ABLIM2: variants seen among roughly 807,000 people sequenced by gnomAD.
ABLIM2 encodes actin-binding LIM protein 2.
In ABLIM2, 53 loss-of-function variants were observed where a neutral mutation model predicts 97.7. That is an observed-to-expected ratio of 0.54 (90% CI 0.44 to 0.68). The LOEUF (loss-of-function observed/expected upper bound fraction) is 0.68, where lower values mean the gene tolerates loss of function less well. Ranked by LOEUF, ABLIM2 falls within the 30% of genes least tolerant of loss-of-function variation. The pLI is 0.00. For missense variants in ABLIM2, 835 were observed against 867.2 expected (o/e 0.96, Z 0.47); for synonymous variants, 361 against 345.8 (o/e 1.04, Z -0.49).
intron 6 of ABLIM2, among the ~76,000 whole-genome samples, chr4:8,062,975 G>A (rs574744634): frequency 6.6e-6 from 1 of 152,228 alleles, no homozygotes; most frequent in Non-Finnish European, 1.5e-5. Context: ...ACAGGGGACA[G>A]AAAGCAACCC....
Position 8,124,591 on chromosome 4 carries a change from T to C in ABLIM2, c.11-17954A>G, listed in dbSNP as rs971069753. Among the ~76,000 whole-genome samples the C allele has an allele frequency of 1.3e-5, 2 of 152,206 alleles. No individual in the cohort carries two copies. The highest frequency in any genetic ancestry group is 1.3e-4 in the Admixed American group (2 of 15,288). The stretch of plus-strand genomic sequence containing the variant: ...TGGTGTGGTGGGCGTCAGTGCCTCT[T>C]TCCTTTTGATGGCTGAGAAATATTC... On this transcript the variant is annotated intron_variant, in intron 1 of 20. Transcript: ENST00000447017. The surrounding 1 kb of genome is among the most constrained non-coding windows in gnomAD (Gnocchi z 6.1).
rs968260507 is a variant in ABLIM2 at position 8,083,474 on chromosome 4, G to A, written c.455-2672C>T. ...CACTCTGCCTCCTACCATATTGGCC[G>A]GCGCCCTCCCCTGCCAAGAAGCTCC... On this transcript the variant is annotated intron_variant, in intron 4 of 20. Transcript: ENST00000447017. The surrounding 1 kb of genome is among the most constrained non-coding windows in gnomAD (Gnocchi z 4.6). Among the ~76,000 whole-genome samples the A allele has an allele frequency of 4.6e-5, 7 of 152,090 alleles. No homozygotes were observed. Among genetic ancestry groups the A allele is most frequent in the African/African-American group, 1.7e-4 (7 of 41,416 alleles).
chr4:8,002,682 T>C lies in ABLIM2; in HGVS notation c.1618+5377A>G, dbSNP rs916420712. ...GCCGCCCTGCTCCTGCCTCCAGACC[T>C]GTCTACAGGCTGTCTGTGCTGCTTA... is the stretch of plus-strand genomic sequence containing the variant. On this transcript the variant is annotated intron_variant, in intron 16 of 20. Coordinates refer to ENST00000447017, the MANE Select transcript of ABLIM2 (RefSeq NM_001130083.2). This position sits in a 1 kb window ranked among gnomAD's most constrained non-coding sequence, Gnocchi z 6.1. Among the ~76,000 whole-genome samples the C allele has an allele frequency of 4.6e-5, 7 of 152,110 alleles. No individual in the cohort carries two copies. Among genetic ancestry groups the C allele is most frequent in the Admixed American group, 3.3e-4 (5 of 15,276 alleles).
Position 8,082,831 on chromosome 4 carries a change from G to T in ABLIM2, c.455-2029C>A, listed in dbSNP as rs1820789806. On this transcript the variant is annotated intron_variant, in intron 4 of 20. Transcript: ENST00000447017. This position sits in a 1 kb window ranked among gnomAD's most constrained non-coding sequence, Gnocchi z 5.6. ...AGGCGACCCCCACATCACCCAATCTGCCGCGCTCCTTCCTGTGTCTCTGCA... is the reference window on the plus strand; with the variant it reads ...AGGCGACCCCCACATCACCCAATCTTCCGCGCTCCTTCCTGTGTCTCTGCA... 1.3e-5 allele frequency among the ~76,000 whole-genome samples: 2 copies of T among 152,316 alleles called. No individual in the cohort carries two copies. Among genetic ancestry groups the T allele is most frequent in the African/African-American group, 4.8e-5 (2 of 41,580 alleles).
Position 7,992,875 on chromosome 4 carries a change from C to A in ABLIM2, c.1671G>T (p.Leu557Phe), listed in dbSNP as rs777735793. The change falls in exon 17 of 21, where the codon TTG (leucine) becomes TTT (phenylalanine). Residue 557 changes from leucine (L) to phenylalanine (F), a missense_variant. Physicochemically the swap from Leu to Phe is conservative, Grantham distance 22 (BLOSUM62 0). Coordinates refer to ENST00000447017, the MANE Select transcript of ABLIM2 (RefSeq NM_001130083.2). The surrounding 1 kb of genome is among the most constrained non-coding windows in gnomAD (Gnocchi z 5.7). ...AGGGGTCAGTACCTACCCGCTGGTC[C>A]AAGCCATTCTTTCCATGTCCTGGGA... ...DPLPGHGKNG[L>F]DQRNANLAPC... 1 of 1,612,804 alleles carries A rather than the reference C, an allele frequency of 6.2e-7. No individual in the cohort carries two copies. The highest frequency in any genetic ancestry group is 8.5e-7 in the Non-Finnish European group (1 of 1,179,656).
Position 8,010,594 on chromosome 4 carries a change from C to T in ABLIM2, c.1424-1492G>A, listed in dbSNP as rs984537388. The T allele has an allele frequency of 8.2e-5, 81 of 983,996 alleles. 1 individual carries two copies. The Middle Eastern group carries it at 2.1e-3, about 25-fold the overall frequency. 61.0% of individuals were successfully genotyped at this position (983,996 alleles called of 1,614,324 possible). On this transcript the variant is annotated intron_variant, in intron 14 of 20. Transcript: ENST00000447017. ...AATTGAAGACTGAGCAGTTCCGTTCCGAATACACTAACATCTCGTTACTCT... is the reference window on the plus strand; with the variant it reads ...AATTGAAGACTGAGCAGTTCCGTTCTGAATACACTAACATCTCGTTACTCT...
chr4:8,073,218 G>C (rs1003553825), intron 6 of ABLIM2, among the ~76,000 whole-genome samples: 10 of 151,510 alleles, frequency 6.6e-5, no homozygotes, highest in African/African-American at 2.4e-4. Context: ...TGGTAGGGGT[G>C]GGGGTGGTGT....
intron 1 of ABLIM2, among the ~76,000 whole-genome samples, chr4:8,154,237 C>G (rs1257721429): frequency 2.0e-5 from 3 of 149,538 alleles, no homozygotes; most frequent in Admixed American, 1.3e-4. Flanking sequence ...GCTGGGATTA[C>G]AGGCGTGAGC....
rs1824424283 is a variant in ABLIM2, at chr4:8,087,456, G to A, written c.454+713C>T. ...TTGAGCCCCCACTGCATACACACCT[G>A]GCCTAACTCCTGGGAGGTGGAGCAG... On this transcript the variant is annotated intron_variant, in intron 4 of 20. Coordinates refer to ENST00000447017, the MANE Select transcript of ABLIM2 (RefSeq NM_001130083.2). The surrounding 1 kb of genome is among the most constrained non-coding windows in gnomAD (Gnocchi z 4.6). Among the ~76,000 whole-genome samples the A allele has an allele frequency of 6.6e-6, 1 of 152,152 alleles. No individual in the cohort carries two copies. Among genetic ancestry groups the A allele is most frequent in the South Asian group, 2.1e-4 (1 of 4,828 alleles).
At chr4:8,121,079 A>G (rs1490111835) in intron 1 of ABLIM2, among the ~76,000 whole-genome samples, 1 of 152,242 alleles carries the variant, frequency 6.6e-6, no homozygotes, top group African/African-American at 2.4e-5. Flanking sequence ...GAAGAGCCAG[A>G]GCTGGCCTCA....
Position 8,127,693 on chromosome 4 carries a change from C to A in ABLIM2, c.11-21056G>T. The A allele has an allele frequency of 8.0e-7, 1 of 1,255,288 alleles. No individual in the cohort carries two copies. Among genetic ancestry groups the A allele is most frequent in the Non-Finnish European group, 1.0e-6 (1 of 966,382 alleles). 77.8% of individuals were successfully genotyped at this position (1,255,288 alleles called of 1,614,324 possible). The stretch of plus-strand genomic sequence containing the variant: ...GGAAGAGCCTCTGTGGCCCACAGGG[C>A]TCCCACAAGGTCACGTGGCAGCTGC... On this transcript the variant is annotated intron_variant, in intron 1 of 20. Coordinates refer to ENST00000447017, the MANE Select transcript of ABLIM2 (RefSeq NM_001130083.2). This position sits in a 1 kb window ranked among gnomAD's most constrained non-coding sequence, Gnocchi z 7.3.
At chr4:8,129,106 C>T (rs1011384473) in intron 1 of ABLIM2, among the ~76,000 whole-genome samples, 2 of 152,206 alleles carry the variant, frequency 1.3e-5, no homozygotes, top group Admixed American at 1.3e-4. Context: ...GGGGCAGAGG[C>T]CCTGGAAGAC....
At position 8,150,633 on chromosome 4, in the gene ABLIM2, C is replaced by T. The variant is rs1041393725; in HGVS notation, c.10+8047G>A. ...CCGGAGGCGGGAGGAGCCACTGCTG[C>T]TGCCTGGGATGGGGGCTGCTCAGTA... On this transcript the variant is annotated intron_variant, in intron 1 of 20. Transcript: ENST00000447017. This position sits in a 1 kb window ranked among gnomAD's most constrained non-coding sequence, Gnocchi z 6.3. 2.0e-5 allele frequency among the ~76,000 whole-genome samples: 3 copies of T among 152,248 alleles called. No homozygotes were observed. Among genetic ancestry groups the T allele is most frequent in the African/African-American group, 7.2e-5 (3 of 41,470 alleles).
intron 1 of ABLIM2, among the ~76,000 whole-genome samples, chr4:8,142,636 C>T (rs1554123335): frequency 6.6e-6 from 1 of 152,162 alleles, no homozygotes; most frequent in South Asian, 2.1e-4. Context: ...GCATGGTGGG[C>T]GCTGGCATCC....
In ABLIM2 at chr4:8,149,824, G is replaced by A. The variant is rs540569471; in HGVS notation, c.10+8856C>T. On this transcript the variant is annotated intron_variant, in intron 1 of 20. Coordinates refer to ENST00000447017, the MANE Select transcript of ABLIM2 (RefSeq NM_001130083.2). The surrounding 1 kb of genome is among the most constrained non-coding windows in gnomAD (Gnocchi z 6.4). ...ACCTCACACTCAGGACTGGCCCTGC[G>A]CCCAGACAGGACGGGGCCTATGGAG... Among the ~76,000 whole-genome samples, 4 of 151,994 alleles carry A rather than the reference G, an allele frequency of 2.6e-5. No individual in the cohort carries two copies. The highest frequency in any genetic ancestry group is 1.3e-4 in the Admixed American group (2 of 15,270).
At chr4:8,052,304 G>A (rs561006997) in intron 8 of ABLIM2, among the ~76,000 whole-genome samples, 16 of 152,150 alleles carry the variant, frequency 1.1e-4, no homozygotes, top group East Asian at 3.9e-4. Context: ...CAAATGGTGC[G>A]GGCCCTGTGG....
At chr4:8,048,562 C>T (rs1348893155) in intron 8 of ABLIM2, among the ~76,000 whole-genome samples, 1 of 152,204 alleles carries the variant, frequency 6.6e-6, no homozygotes, top group Non-Finnish European at 1.5e-5. Flanking sequence ...AACTCCAATG[C>T]CAAGCCTCGC....
In ABLIM2 at chr4:8,127,417, C is replaced by G. The variant is rs1848498424; in HGVS notation, c.11-20780G>C. On this transcript the variant is annotated intron_variant, in intron 1 of 20. Transcript: ENST00000447017. This position sits in a 1 kb window ranked among gnomAD's most constrained non-coding sequence, Gnocchi z 7.3. The stretch of plus-strand genomic sequence containing the variant: ...TCACGCAGGGCACAACTTGACTGGA[C>G]CCGTCCTTTCCCACCAGACCCCTGA... The G allele has an allele frequency of 8.7e-7, 1 of 1,152,756 alleles. No homozygotes were observed. The allele number at this position is 1,152,756 out of a possible 1,614,324, so 71.4% of individuals were successfully genotyped here.
intron 20 of ABLIM2, among the ~76,000 whole-genome samples, chr4:7,972,931 A>C (rs1432627035): frequency 1.3e-5 from 2 of 151,970 alleles, no homozygotes; most frequent in Non-Finnish European, 2.9e-5. Context: ...ATATTCTTTC[A>C]CTGTGGGGCC....
Sources: allele counts gnomAD v4.1 joint callset (sites outside exome capture counted in the v4.1 genomes callset), GRCh38; gene constraint gnomAD v4.1.1; non-coding constraint Gnocchi (gnomAD v3.1); transcripts MANE v1.5; gene names NCBI Gene and HGNC (gene_info 2026-07-23, HGNC 2026-07-21).